Variants in BTD observed in about 807,000 individuals in gnomAD.
BTD encodes biocytinase.
In BTD, 13 loss-of-function variants were observed where a neutral mutation model predicts 17.7. The ratio of observed to expected loss-of-function variants is 0.74; its 90% CI spans 0.48 to 1.17. BTD has a LOEUF of 1.17. BTD is among the 50% of genes most tolerant of loss of function. The pLI is 0.00. For missense variants in BTD, 674 were observed against 650.4 expected (o/e 1.04, Z -0.39); for synonymous variants, 240 against 245.2 (o/e 0.98, Z 0.20).
In BTD at chr3:15,645,219, A is replaced by C; in HGVS notation, c.1303A>C (p.Ile435Leu). 6.2e-7 allele frequency: 1 copy of C among 1,614,152 alleles called. No individual in the cohort carries two copies. Among genetic ancestry groups the C allele is most frequent in the Admixed American group, 1.7e-5 (1 of 60,014 alleles). ...TCACACAGTACATGGCACTTACTAC[A>C]TCCAAGTGTGTGCCCTGGTCAGGTG... ...GLHTVHGTYY[I>L]QVCALVRCGG... The change falls in exon 4 of 4, where the codon ATC becomes CTC. Residue 435 changes from isoleucine to leucine, a missense_variant. Ile to Leu is a conservative substitution (Grantham distance 5, BLOSUM62 2). Transcript: ENST00000643237.
At chr3:15,677,514 C>T in intron 3 of BTD, 2 of 1,613,030 alleles carry the variant, frequency 1.2e-6, no homozygotes, top group Non-Finnish European at 1.7e-6. Context: ...AGTATTTTTA[C>T]TGTTATCTTG....
At chr3:15,632,122 C>T (rs1234419026) in intron 1 of BTD, among the ~76,000 whole-genome samples, 1 of 152,170 alleles carries the variant, frequency 6.6e-6, no homozygotes, top group East Asian at 1.9e-4. Flanking sequence ...TCCTCCCGAA[C>T]CCCCTTCAGG....
intron 1 of BTD, among the ~76,000 whole-genome samples, chr3:15,605,011 T>C (rs1172743521): frequency 6.6e-6 from 1 of 152,226 alleles, no homozygotes; most frequent in East Asian, 1.9e-4. Flanking sequence ...TATCTTCTTC[T>C]GAGCCCTCCA....
chr3:15,652,616 A>G lies in BTD; in HGVS notation c.*7128A>G, dbSNP rs1010515780. Among the ~76,000 whole-genome samples, 1 of 152,228 alleles carries G rather than the reference A, an allele frequency of 6.6e-6. No individual in the cohort carries two copies. Among genetic ancestry groups the G allele is most frequent in the Non-Finnish European group, 1.5e-5 (1 of 68,034 alleles). ...CTTGATTTCCTAAGTCTCAGAAACTATAAAATATAAATGTGTGTTGTTTTA... is the reference window on the plus strand; with the variant it reads ...CTTGATTTCCTAAGTCTCAGAAACTGTAAAATATAAATGTGTGTTGTTTTA... On this transcript the variant is annotated 3_prime_UTR_variant, in exon 4 of 4. Coordinates refer to ENST00000643237, the MANE Select transcript of BTD (RefSeq NM_001370658.1).
At chr3:15,696,103 T>C (rs2470547) in intron 3 of BTD, 743,966 of 1,357,990 alleles carry the variant, frequency 0.55, 210,834 homozygotes, top group Admixed American at 0.61. Context: ...AAACTCCCAT[T>C]AGGTCTTTCA....
chr3:15,686,286 A>G (rs772549937), intron 3 of BTD: 4 of 1,586,032 alleles, frequency 2.5e-6, no homozygotes, highest in Non-Finnish European at 2.6e-6. Flanking sequence ...AATAGCCGTA[A>G]GCATTCTGAA....
At chr3:15,655,605 T>C (rs887093375), downstream of BTD, among the ~76,000 whole-genome samples, 1 of 152,226 alleles carries the variant, frequency 6.6e-6, no homozygotes, top group Non-Finnish European at 1.5e-5. Flanking sequence ...TTTTAAATTG[T>C]TGTGTGACCT....
At chr3:15,674,407 ATG>A (rs2066724543) in intron 3 of BTD, among the ~76,000 whole-genome samples, 1 of 152,098 alleles carries the variant, frequency 6.6e-6, no homozygotes, top group Admixed American at 6.6e-5. Context: ...ACTGTTAAGA[ATG>A]AGAATTGTCT....
At chr3:15,602,226 C>T (rs528393083) in intron 1 of BTD, 2 of 1,331,770 alleles carry the variant, frequency 1.5e-6, no homozygotes, top group South Asian at 1.8e-5. Flanking sequence ...GTCAGTAGAT[C>T]CAGACCGTGC....
intron 3 of BTD, among the ~76,000 whole-genome samples, chr3:15,700,466 AAAAAATTAATT>A (rs2070401250): frequency 6.6e-6 from 1 of 151,900 alleles, no homozygotes; most frequent in Non-Finnish European, 1.5e-5. Context: ...GACAAAAAAA[AAAAAATTAATT>A]AAAAAACACT....
chr3:15,689,445 C>T (rs1234774844), intron 3 of BTD, among the ~76,000 whole-genome samples: 1 of 152,114 alleles, frequency 6.6e-6, no homozygotes, highest in Non-Finnish European at 1.5e-5. Flanking sequence ...CTGAGGGGCC[C>T]CTAAAATTGC....
chr3:15,628,640 A>G lies in BTD; in HGVS notation c.-16-6784A>G, dbSNP rs2065125022. Among the ~76,000 whole-genome samples, 3 of 152,248 alleles carry G rather than the reference A, an allele frequency of 2.0e-5. No individual in the cohort carries two copies. In the South Asian group the frequency reaches 6.2e-4, roughly 32 times the overall value. On this transcript the variant is annotated intron_variant, in intron 1 of 3. Coordinates refer to ENST00000643237, the MANE Select transcript of BTD (RefSeq NM_001370658.1). ...TGGAAGCCATAAGCATTCCAGAAGA[A>G]CAGAGTAGCTAGAAGTGCCCCCACC...
chr3:15,644,818 G>T lies in BTD; in HGVS notation c.902G>T (p.Trp301Leu). Reference protein sequence around the residue: ...SGIHTPLESFWYHDMENPKSH... With the variant: ...SGIHTPLESFLYHDMENPKSH... ...ATACACACCCCTCTGGAGTCCTTTTGGTACCATGACATGGAAAATCCCAAA... is the reference window on the plus strand; with the variant it reads ...ATACACACCCCTCTGGAGTCCTTTTTGTACCATGACATGGAAAATCCCAAA... The change falls in exon 4 of 4, where the codon TGG becomes TTG. Residue 301 changes from tryptophan to leucine, a missense_variant. Coordinates refer to ENST00000643237, the MANE Select transcript of BTD (RefSeq NM_001370658.1). 1 of 1,614,156 alleles carries T rather than the reference G, an allele frequency of 6.2e-7. No individual in the cohort carries two copies. The highest frequency in any genetic ancestry group is 8.5e-7 in the Non-Finnish European group (1 of 1,180,034).
chr3:15,617,141 A>G (rs2064817457), intron 1 of BTD, among the ~76,000 whole-genome samples: 1 of 152,116 alleles, frequency 6.6e-6, no homozygotes, highest in Admixed American at 6.5e-5. Context: ...CCTTTTGCCT[A>G]TTTTTTAATC....
intron 3 of BTD, among the ~76,000 whole-genome samples, chr3:15,683,509 T>G (rs1300864298): frequency 6.6e-6 from 1 of 152,178 alleles, no homozygotes; most frequent in Non-Finnish European, 1.5e-5. Flanking sequence ...TCAAAACTGT[T>G]TTGGTTAAGG....
chr3:15,622,015 A>G (rs935053156), intron 1 of BTD, among the ~76,000 whole-genome samples: 6 of 151,924 alleles, frequency 3.9e-5, no homozygotes, highest in African/African-American at 1.5e-4. Flanking sequence ...GCCCTCTTTC[A>G]TTGCTCATGT....
chr3:15,635,565 G>A lies in BTD; in HGVS notation c.126G>A (p.Val42=), dbSNP rs927037987. The A allele has an allele frequency of 6.2e-7, 1 of 1,614,184 alleles. No homozygotes were observed. The highest frequency in any genetic ancestry group is 8.5e-7 in the Non-Finnish European group (1 of 1,180,034). The change falls in exon 2 of 4, where the codon GTG becomes GTA. Residue 42 remains valine (V), a synonymous_variant. Transcript: ENST00000643237. This position sits in a 1 kb window ranked among gnomAD's most constrained non-coding sequence, Gnocchi z 4.1. ...AGGCTGAATATTATGTGGCTGCCGT[G>A]TATGAGCATCCATCCATCCTGAGTC... ...HHEAEYYVAA[V]YEHPSILSLN... is the part of the protein sequence containing the mutation.
At chr3:15,721,508 G>A (rs919785869) in intron 4 of BTD, among the ~76,000 whole-genome samples, 1 of 151,980 alleles carries the variant, frequency 6.6e-6, no homozygotes, top group African/African-American at 2.4e-5. Context: ...AAGATTCTGA[G>A]GTATATTCAG....
At chr3:15,667,922 T>G (rs1173503922) in intron 3 of BTD, 1 of 152,212 alleles carries the variant, frequency 6.6e-6, no homozygotes, top group Non-Finnish European at 1.5e-5. Flanking sequence ...AATCTAATAG[T>G]GTGTCAAATG....
Sources: allele counts gnomAD v4.1 joint callset (sites outside exome capture counted in the v4.1 genomes callset), GRCh38; gene constraint gnomAD v4.1.1; non-coding constraint Gnocchi (gnomAD v3.1); transcripts MANE v1.5; gene names NCBI Gene and HGNC (gene_info 2026-07-23, HGNC 2026-07-21).